ALDH1A2: variants seen among roughly 807,000 people sequenced by gnomAD.
ALDH1A2 encodes the protein retinal dehydrogenase 2.
ALDH1A2 carries 27 observed loss-of-function variants against 60.3 expected under a neutral mutation model. The observed-to-expected ratio is 0.45, with a 90% CI of 0.33 to 0.62. The LOEUF is 0.62. Ranked by LOEUF, ALDH1A2 falls within the 20% of genes least tolerant of loss-of-function variation. ALDH1A2 has a pLI of 0.02. For missense variants in ALDH1A2, 581 were observed against 643.8 expected (o/e 0.90, Z 1.06); for synonymous variants, 289 against 232.4 (o/e 1.24, Z -2.21).
chr15:58,007,269 C>T (rs982101422), intron 4 of ALDH1A2, among the ~76,000 whole-genome samples: 5 of 151,820 alleles, frequency 3.3e-5, no homozygotes, highest in East Asian at 3.9e-4. Flanking sequence ...ATTCAGTGTT[C>T]GTGACAACTT....
chr15:58,025,260 G>A (rs1896047820), intron 1 of ALDH1A2, among the ~76,000 whole-genome samples: 1 of 152,062 alleles, frequency 6.6e-6, no homozygotes, highest in African/African-American at 2.4e-5. Flanking sequence ...GTTCTTTGAA[G>A]AGATAAACAA....
intron 4 of ALDH1A2, among the ~76,000 whole-genome samples, chr15:58,010,319 G>A (rs1895589196): frequency 6.6e-6 from 1 of 152,070 alleles, no homozygotes; most frequent in Non-Finnish European, 1.5e-5. Context: ...AATTTTCCAT[G>A]ACTTCCCTCC....
chr15:57,958,689 A>C (rs779424159), intron 12 of ALDH1A2, among the ~76,000 whole-genome samples: 8 of 151,590 alleles, frequency 5.3e-5, no homozygotes, highest in Admixed American at 3.3e-4. Context: ...GATTAAGTGG[A>C]GTTTCTGAGG....
intron 7 of ALDH1A2, among the ~76,000 whole-genome samples, chr15:57,988,348 AAAAAGAGTGGT>A (rs1894779717): frequency 6.6e-6 from 1 of 152,228 alleles, no homozygotes; most frequent in Non-Finnish European, 1.5e-5. Flanking sequence ...AAAATAGAAT[AAAAAGAGTGGT>A]AAAATTATCT....
intron 1 of ALDH1A2, among the ~76,000 whole-genome samples, chr15:58,021,709 G>T (rs569750566): frequency 6.6e-6 from 1 of 152,262 alleles, no homozygotes; most frequent in South Asian, 2.1e-4. Context: ...GCAGTTCCAG[G>T]ACTGAGGCAT....
chr15:57,993,255 C>T (rs545071420), intron 5 of ALDH1A2, among the ~76,000 whole-genome samples, 182 bp from the exon 6 acceptor site: 2 of 152,312 alleles, frequency 1.3e-5, no homozygotes, highest in East Asian at 3.9e-4. Context: ...CCTTGGAAAT[C>T]TCTCCTTTTC....
chr15:58,058,078 A>T (rs573510816), intron 1 of ALDH1A2: 1 of 1,534,044 alleles, frequency 6.5e-7, no homozygotes, highest in South Asian at 1.2e-5. Context: ...TCTCCCAAAA[A>T]GGATTCTGCC....
chr15:58,009,240 T>C (rs1280470912), intron 4 of ALDH1A2, among the ~76,000 whole-genome samples: 1 of 151,952 alleles, frequency 6.6e-6, no homozygotes, highest in African/African-American at 2.4e-5. Context: ...TTCTGCTGCA[T>C]CCTCTCCTTG....
At chr15:57,999,135 G>A in intron 4 of ALDH1A2, among the ~76,000 whole-genome samples, 1 of 152,050 alleles carries the variant, frequency 6.6e-6, no homozygotes, top group Admixed American at 6.6e-5. Context: ...CAGGACATGG[G>A]CATAGGCAAG....
At chr15:58,013,768 AAAAAT>A (rs1294964311) in intron 3 of ALDH1A2, 85 bp downstream of exon 3, 3 of 1,508,536 alleles carry the variant, frequency 2.0e-6, no homozygotes, top group African/African-American at 2.8e-5. Context: ...TAAAATAAAT[AAAAAT>A]AAAATAAAAT....
chr15:58,032,568 T>C (rs187470383), intron 1 of ALDH1A2, among the ~76,000 whole-genome samples: 9 of 152,132 alleles, frequency 5.9e-5, no homozygotes, highest in African/African-American at 9.6e-5. Flanking sequence ...GTCTTGTATA[T>C]GGCTGGTGGG....
At chr15:58,064,598 G>C (rs1897124801) in intron 1 of ALDH1A2, among the ~76,000 whole-genome samples, 1 of 152,114 alleles carries the variant, frequency 6.6e-6, no homozygotes, top group African/African-American at 2.4e-5. Flanking sequence ...GAAATGTACC[G>C]AAAGGACTAG....
At chr15:58,004,179 G>C (rs1895369628) in intron 4 of ALDH1A2, among the ~76,000 whole-genome samples, 2 of 151,886 alleles carry the variant, frequency 1.3e-5, no homozygotes, top group African/African-American at 4.8e-5. Flanking sequence ...ACCCTTTACG[G>C]GGAGAAATTA....
intron 4 of ALDH1A2, among the ~76,000 whole-genome samples, chr15:57,996,040 A>T (rs1210710482): frequency 6.6e-6 from 1 of 152,054 alleles, no homozygotes; most frequent in Non-Finnish European, 1.5e-5. Flanking sequence ...AGGCCACTTC[A>T]CTGATACTTG....
intron 1 of ALDH1A2, among the ~76,000 whole-genome samples, chr15:58,022,554 A>C (rs1252822224): frequency 6.6e-6 from 1 of 152,170 alleles, no homozygotes; most frequent in Admixed American, 6.5e-5. Flanking sequence ...CTCAAGGCCA[A>C]GAATCAGCCT....
intron 7 of ALDH1A2, among the ~76,000 whole-genome samples, chr15:57,984,032 C>T (rs958331188): frequency 6.6e-6 from 1 of 152,216 alleles, no homozygotes; most frequent in African/African-American, 2.4e-5. Flanking sequence ...ATTATCCTTC[C>T]TAAGTACCTC....
At chr15:58,059,924 AT>A (rs1362933816) in intron 1 of ALDH1A2, among the ~76,000 whole-genome samples, 1 of 152,084 alleles carries the variant, frequency 6.6e-6, no homozygotes. Context: ...AACTTTGTTG[AT>A]CATATAATTT....
chr15:57,988,666 A>G (rs1347872341), intron 7 of ALDH1A2, among the ~76,000 whole-genome samples: 1 of 152,242 alleles, frequency 6.6e-6, no homozygotes, highest in African/African-American at 2.4e-5. Context: ...ACAGGTGTAT[A>G]TACATGGTAC....
At chr15:57,973,075 A>C (rs866319431) in intron 7 of ALDH1A2, among the ~76,000 whole-genome samples, 2 of 152,212 alleles carry the variant, frequency 1.3e-5, no homozygotes, top group East Asian at 3.9e-4. Context: ...GCACGAATCA[A>C]TCTGGACTCT....
Sources: allele counts gnomAD v4.1 joint callset (sites outside exome capture counted in the v4.1 genomes callset), GRCh38; gene constraint gnomAD v4.1.1; transcripts MANE v1.5; gene names NCBI Gene and HGNC (gene_info 2026-07-23, HGNC 2026-07-21).